The following NOS1AP variants were observed in gnomAD, a reference collection of about 807,000 sequenced individuals.
NOS1AP encodes the protein nitric oxide synthase 1 adaptor protein.
NOS1AP carries 21 observed loss-of-function variants against 56.2 expected under a neutral mutation model. That is an observed-to-expected ratio of 0.37 (90% CI 0.26 to 0.54). The LOEUF (loss-of-function observed/expected upper bound fraction) is 0.54. Ranked by LOEUF, NOS1AP falls within the 20% of genes least tolerant of loss-of-function variation. NOS1AP has a pLI of 0.84. For missense variants in NOS1AP, 522 were observed against 657.8 expected, an observed-to-expected ratio of 0.79 and a Z score of 2.26; for synonymous variants, 270 against 274.6, an observed-to-expected ratio of 0.98 and a Z score of 0.17.
chr1:162,272,887 C>T (rs1654625991), intron 2 of NOS1AP, among the ~76,000 whole-genome samples: 1 of 152,146 alleles, frequency 6.6e-6, no homozygotes, highest in Non-Finnish European at 1.5e-5. Flanking sequence ...GGCCTCACTG[C>T]AGCTCCCATT....
chr1:162,289,231 TC>T (rs1208542419), intron 3 of NOS1AP, among the ~76,000 whole-genome samples: 1 of 53,566 alleles, frequency 1.9e-5, no homozygotes, highest in Non-Finnish European at 4.1e-5. Flanking sequence ...CTTCCTTCCT[TC>T]CTTCCTTCCT....
At chr1:162,264,411 TTCC>T (rs1557855197) in intron 2 of NOS1AP, among the ~76,000 whole-genome samples, 351 of 2,896 alleles carry the variant, frequency 0.12, 163 homozygotes, top group East Asian at 0.32. Flanking sequence ...TCCTCTTCTC[TTCC>T]CTTCTCTTCC....
intron 5 of NOS1AP, 107 bp from the exon 6 acceptor site, chr1:162,343,728 A>T: frequency 7.6e-7 from 1 of 1,319,688 alleles, no homozygotes; most frequent in South Asian, 1.2e-5. Flanking sequence ...GCATATCTGA[A>T]CAACTTTAGA....
intron 2 of NOS1AP, among the ~76,000 whole-genome samples, chr1:162,270,144 G>A (rs1290966408): frequency 6.6e-6 from 1 of 152,162 alleles, no homozygotes; most frequent in Non-Finnish European, 1.5e-5. Flanking sequence ...TCTAGGTATG[G>A]GGTAGTGTTT....
At chr1:162,267,824 G>C (rs115633577) in intron 2 of NOS1AP, among the ~76,000 whole-genome samples, 3,852 of 152,210 alleles carry the variant, frequency 0.025, 69 homozygotes, top group Non-Finnish European at 0.038. Flanking sequence ...AGCCTTAATG[G>C]AGCAGAGGTA....
At chr1:162,081,774 A>ATATATATATATATTTTT in intron 1 of NOS1AP, among the ~76,000 whole-genome samples, 6 of 44,056 alleles carry the variant, frequency 1.4e-4, no homozygotes, top group African/African-American at 4.6e-4. Context: ...ATATATATAT[A>ATATATATATATATTTTT]TTTTTTTTTT....
intron 1 of NOS1AP, among the ~76,000 whole-genome samples, chr1:162,123,423 C>A (rs568739910): frequency 2.6e-5 from 4 of 152,172 alleles, no homozygotes; most frequent in African/African-American, 7.2e-5. Flanking sequence ...CCACCTGCCT[C>A]GGCCTCCCAA....
intron 2 of NOS1AP, among the ~76,000 whole-genome samples, chr1:162,225,699 T>A (rs1051117527): frequency 6.6e-6 from 1 of 152,208 alleles, no homozygotes; most frequent in Non-Finnish European, 1.5e-5. Flanking sequence ...TGCTAACCTC[T>A]GCTGTTTTGT....
chr1:162,183,054 G>A (rs1260214605), intron 2 of NOS1AP, among the ~76,000 whole-genome samples: 2 of 152,180 alleles, frequency 1.3e-5, no homozygotes, highest in East Asian at 3.8e-4. Context: ...TATGGCAGCT[G>A]TAGCCTTACA....
chr1:162,110,230 T>C (rs1647659833), intron 1 of NOS1AP, among the ~76,000 whole-genome samples: 1 of 149,286 alleles, frequency 6.7e-6, no homozygotes, highest in South Asian at 2.1e-4. Context: ...CAGTGTGCTT[T>C]TTAGGAAGAG....
chr1:162,075,484 C>A (rs1025650123), intron 1 of NOS1AP, among the ~76,000 whole-genome samples: 1 of 152,204 alleles, frequency 6.6e-6, no homozygotes, highest in Non-Finnish European at 1.5e-5. Context: ...TGAAGGCCTC[C>A]AGATGAATGA....
At chr1:162,072,230 A>G (rs1216208363) in intron 1 of NOS1AP, among the ~76,000 whole-genome samples, 1 of 152,180 alleles carries the variant, frequency 6.6e-6, no homozygotes, top group Non-Finnish European at 1.5e-5. Flanking sequence ...GAGTCTTGCC[A>G]CACCCCAATT....
chr1:162,242,614 C>G (rs182288406), intron 2 of NOS1AP, among the ~76,000 whole-genome samples: 1 of 152,326 alleles, frequency 6.6e-6, no homozygotes, highest in East Asian at 1.9e-4. Flanking sequence ...AAACCCCAAG[C>G]AAGAACTGCC....
At chr1:162,127,351 T>A (rs1477750921) in intron 1 of NOS1AP, among the ~76,000 whole-genome samples, 1 of 152,180 alleles carries the variant, frequency 6.6e-6, no homozygotes, top group Non-Finnish European at 1.5e-5. Context: ...TTTAATAAAT[T>A]TGCCATATTT....
At chr1:162,364,480 G>C (rs1345417072) in intron 8 of NOS1AP, 2 of 985,316 alleles carry the variant, frequency 2.0e-6, no homozygotes, top group Non-Finnish European at 1.2e-6. Context: ...GGTTGCCCCT[G>C]TCTCCTCCCA....
chr1:162,098,069 GC>G (rs1386169800), intron 1 of NOS1AP, among the ~76,000 whole-genome samples: 1 of 139,960 alleles, frequency 7.1e-6, no homozygotes, highest in Non-Finnish European at 1.6e-5. Context: ...ATTTTAATAA[GC>G]TTTTATTTAT....
At chr1:162,185,214 A>G (rs1040162632) in intron 2 of NOS1AP, among the ~76,000 whole-genome samples, 2 of 152,228 alleles carry the variant, frequency 1.3e-5, no homozygotes, top group Non-Finnish European at 2.9e-5. Context: ...GATCCAGGAT[A>G]ATCTCTCCAT....
intron 4 of NOS1AP, among the ~76,000 whole-genome samples, chr1:162,305,710 T>A (rs1164833954): frequency 6.6e-6 from 1 of 152,204 alleles, no homozygotes; most frequent in Non-Finnish European, 1.5e-5. Flanking sequence ...AAGACATATT[T>A]TTACCCCCAC....
chr1:162,366,927 G>A (rs1165084037), intron 9 of NOS1AP, 125 bp from the exon 10 acceptor site: 2 of 1,060,692 alleles, frequency 1.9e-6, no homozygotes, highest in Non-Finnish European at 2.9e-6. Flanking sequence ...CCCAAAGCCC[G>A]GAGAGGTGCT....
Sources: allele counts gnomAD v4.1 joint callset (sites outside exome capture counted in the v4.1 genomes callset), GRCh38; gene constraint gnomAD v4.1.1; transcripts MANE v1.5; gene names NCBI Gene and HGNC (gene_info 2026-07-23, HGNC 2026-07-21).